FOXP1: variants seen among roughly 807,000 people sequenced by gnomAD.
FOXP1 encodes the protein forkhead box P1.
In FOXP1, 15 loss-of-function variants were observed where a neutral mutation model predicts 98.2. The observed-to-expected ratio is 0.15, with a 90% CI of 0.10 to 0.24. FOXP1 has a LOEUF of 0.24. Among genes scored for constraint, FOXP1 ranks in the 10% least tolerant of loss-of-function variants. FOXP1 has a pLI of 1.00. For missense variants in FOXP1, 633 were observed against 848.5 expected (o/e 0.75, Z 3.15); for synonymous variants, 371 against 314.5 (o/e 1.18, Z -1.90).
chr3:71,348,506 A>G (rs935397164), intron 4 of FOXP1, among the ~76,000 whole-genome samples: 6 of 90,460 alleles, frequency 6.6e-5, no homozygotes, highest in Non-Finnish European at 1.4e-4. Context: ...TGCTGTGTTC[A>G]GTGTGTGTGT....
intron 6 of FOXP1, among the ~76,000 whole-genome samples, chr3:71,180,894 C>A (rs1206471657): frequency 1.3e-5 from 2 of 152,018 alleles, no homozygotes. Flanking sequence ...GTGTGGGGCC[C>A]CTTCAGTAAC....
intron 7 of FOXP1, among the ~76,000 whole-genome samples, chr3:71,094,277 TC>T (rs373856832): frequency 6.7e-6 from 1 of 148,798 alleles, no homozygotes; most frequent in South Asian, 2.1e-4. Context: ...TTTTTTCTTT[TC>T]TTTTTTTTTT....
intron 6 of FOXP1, among the ~76,000 whole-genome samples, chr3:71,174,785 T>TACAC (rs3064896): frequency 0.068 from 8,937 of 131,614 alleles, 311 homozygotes; most frequent in Middle Eastern, 0.14. Flanking sequence ...TGCACATGCA[T>TACAC]ACACACACAC....
intron 2 of FOXP1, among the ~76,000 whole-genome samples, chr3:71,529,078 TA>T (rs1009039391): frequency 1.1e-4 from 16 of 152,292 alleles, no homozygotes; most frequent in African/African-American, 3.8e-4. Flanking sequence ...CTGTGATGAA[TA>T]AAAAGAAAAC....
chr3:70,979,316 A>G (rs11128200), intron 14 of FOXP1, among the ~76,000 whole-genome samples: 53,653 of 96,442 alleles, frequency 0.56, 13,900 homozygotes, highest in Admixed American at 0.65. Flanking sequence ...AAAAAAAAAA[A>G]AAAAGAAAAA....
At chr3:71,480,748 G>A (rs1200365803) in intron 3 of FOXP1, among the ~76,000 whole-genome samples, 2 of 152,108 alleles carry the variant, frequency 1.3e-5, no homozygotes, top group Non-Finnish European at 1.5e-5. Context: ...AGAAGAGATG[G>A]GTTTTCTAGA....
intron 2 of FOXP1, among the ~76,000 whole-genome samples, chr3:71,503,869 CAGG>C (rs2041608936): frequency 6.6e-6 from 1 of 152,144 alleles, no homozygotes; most frequent in Non-Finnish European, 1.5e-5. Context: ...ATTAGGGGGT[CAGG>C]AGAAGGAGCC....
intron 2 of FOXP1, among the ~76,000 whole-genome samples, chr3:71,565,559 G>T (rs1040101551): frequency 1.3e-5 from 2 of 152,180 alleles, no homozygotes; most frequent in East Asian, 3.8e-4. Context: ...TTAATTAAGT[G>T]CTCAGGCTAG....
intron 3 of FOXP1, among the ~76,000 whole-genome samples, chr3:71,387,499 G>C (rs1488001393): frequency 6.6e-6 from 1 of 152,154 alleles, no homozygotes; most frequent in Non-Finnish European, 1.5e-5. Context: ...AAGGATTTCA[G>C]ATGTTTTAAT....
In FOXP1 at chr3:70,976,953, C is replaced by T. The variant is rs776380840; in HGVS notation, c.1518G>A (p.Ala506=). The T allele has an allele frequency of 1.7e-5, 28 of 1,613,316 alleles. No individual in the cohort carries two copies. Among genetic ancestry groups the T allele is most frequent in the East Asian group, 4.5e-5 (2 of 44,878 alleles). ...TGAGAAAGCTTACCTTCCACGTGGC[C>T]GCGTTGCGTCGGAAGTAAGCAAACA... is the stretch of plus-strand genomic sequence containing the variant. The part of the protein sequence containing the change: ...TRMFAYFRRN[A]ATWKNAVRHN... The change falls in exon 17 of 21, where the codon GCG becomes GCA. Residue 506 remains alanine (A), a synonymous_variant. Transcript: ENST00000649528.
chr3:71,425,357 C>G (rs1022896318), intron 3 of FOXP1, among the ~76,000 whole-genome samples: 1 of 152,160 alleles, frequency 6.6e-6, no homozygotes, highest in African/African-American at 2.4e-5. Flanking sequence ...AACTCCTGAC[C>G]TCAAGTGATC....
chr3:71,233,719 T>C (rs1560159051), intron 5 of FOXP1, among the ~76,000 whole-genome samples: 1 of 151,538 alleles, frequency 6.6e-6, no homozygotes, highest in African/African-American at 2.4e-5. Context: ...GTTTTATACA[T>C]TGTATTCTCT....
chr3:71,400,440 T>C (rs1228842425), intron 3 of FOXP1, among the ~76,000 whole-genome samples: 3 of 152,090 alleles, frequency 2.0e-5, no homozygotes, highest in African/African-American at 7.2e-5. Context: ...CACTGCAACC[T>C]CCAAATTCCT....
At chr3:71,092,987 G>A (rs963584770) in intron 7 of FOXP1, among the ~76,000 whole-genome samples, 2 of 152,204 alleles carry the variant, frequency 1.3e-5, no homozygotes, top group African/African-American at 4.8e-5. Flanking sequence ...AAGCTCAGGC[G>A]TGGTGGCTCA....
At chr3:71,127,048 AAC>A (rs1287247674) in intron 6 of FOXP1, among the ~76,000 whole-genome samples, 4 of 152,176 alleles carry the variant, frequency 2.6e-5, no homozygotes, top group Non-Finnish European at 4.4e-5. Flanking sequence ...GGTTCCAACA[AAC>A]AAACAGCTTC....
At chr3:71,272,424 G>T (rs72953380) in intron 5 of FOXP1, among the ~76,000 whole-genome samples, 17,287 of 151,976 alleles carry the variant, frequency 0.11, 1,378 homozygotes, top group East Asian at 0.45. Context: ...TTACCATATT[G>T]CTCCCATGGG....
intron 5 of FOXP1, among the ~76,000 whole-genome samples, chr3:71,254,167 C>T (rs902476713): frequency 2.6e-5 from 4 of 152,180 alleles, no homozygotes; most frequent in Admixed American, 2.6e-4. Flanking sequence ...TAATAAGTTA[C>T]TCTGGGTATT....
intron 12 of FOXP1, among the ~76,000 whole-genome samples, chr3:71,005,877 T>TGG (rs1264404917): frequency 1.3e-5 from 2 of 151,976 alleles, no homozygotes; most frequent in Non-Finnish European, 2.9e-5. Flanking sequence ...TCACAAAAAT[T>TGG]AACAAATCAT....
intron 5 of FOXP1, among the ~76,000 whole-genome samples, chr3:71,221,643 T>C (rs114299897): frequency 0.013 from 2,032 of 152,324 alleles, 44 homozygotes; most frequent in African/African-American, 0.047. Flanking sequence ...TCCCGCATTT[T>C]AGTCTATATA....
Sources: gnomAD v4.1 joint callset for allele counts (sites outside exome capture counted in the v4.1 genomes callset) on GRCh38, gnomAD v4.1.1 for gene constraint, MANE v1.5 for transcripts, NCBI Gene and HGNC (gene_info 2026-07-23, HGNC 2026-07-21) for gene names.